GPR149: variants seen among roughly 807,000 people sequenced by gnomAD.
GPR149 encodes the protein probable G protein-coupled receptor 149.
Under a neutral mutation model 50.2 loss-of-function variants are expected in GPR149, and 50 were observed. That is an observed-to-expected ratio of 1.00 (90% CI 0.79 to 1.26). GPR149 has a LOEUF of 1.26. Ranked by LOEUF, GPR149 falls within the 50% of genes most tolerant of loss-of-function variation. The pLI, the probability that GPR149 is intolerant of heterozygous loss-of-function variation, is 0.00. For missense variants in GPR149, 983 were observed against 895.4 expected, an observed-to-expected ratio of 1.10 and a Z score of -1.25; for synonymous variants, 405 against 358.2, an observed-to-expected ratio of 1.13 and a Z score of -1.48.
At chr3:154,370,503 G>T (rs1320635804) in intron 3 of GPR149, among the ~76,000 whole-genome samples, 1 of 152,094 alleles carries the variant, frequency 6.6e-6, no homozygotes, top group Non-Finnish European at 1.5e-5. Flanking sequence ...CTGTCCCCTC[G>T]CCCATGTCCA....
At chr3:154,426,159 A>G (rs928956701) in intron 2 of GPR149, among the ~76,000 whole-genome samples, 5 of 152,216 alleles carry the variant, frequency 3.3e-5, no homozygotes, top group Admixed American at 1.3e-4. Flanking sequence ...TGTTCTGGAT[A>G]TTAATCTTTA....
intron 2 of GPR149, 41 bp downstream of exon 2, chr3:154,427,475 A>G (rs1445285541): frequency 6.5e-7 from 1 of 1,538,298 alleles, no homozygotes; most frequent in Non-Finnish European, 8.8e-7. Flanking sequence ...AAAGTCACCT[A>G]ATGCATATTG....
At chr3:154,360,560 G>T (rs189041393) in intron 3 of GPR149, among the ~76,000 whole-genome samples, 3 of 152,168 alleles carry the variant, frequency 2.0e-5, no homozygotes, top group Non-Finnish European at 4.4e-5. Flanking sequence ...CAGCCAATAA[G>T]TGGTAGAACT....
At chr3:154,407,959 G>T (rs1455832538) in intron 3 of GPR149, among the ~76,000 whole-genome samples, 1 of 152,128 alleles carries the variant, frequency 6.6e-6, no homozygotes, top group Non-Finnish European at 1.5e-5. Context: ...ATTATGTCAT[G>T]TTGGATAGAT....
chr3:154,343,988 C>T (rs1476486913), intron 3 of GPR149, among the ~76,000 whole-genome samples: 1 of 146,854 alleles, frequency 6.8e-6, no homozygotes, highest in South Asian at 2.2e-4. Context: ...ACCGCCCCCC[C>T]AAAAAAAAAG....
At chr3:154,385,890 C>T (rs1024432985) in intron 3 of GPR149, among the ~76,000 whole-genome samples, 13 of 151,788 alleles carry the variant, frequency 8.6e-5, no homozygotes, top group East Asian at 2.0e-4. Context: ...TTAGTAGAGA[C>T]GGGGGTTTCA....
intron 3 of GPR149, chr3:154,354,074 G>T: frequency 2.2e-6 from 1 of 459,462 alleles, no homozygotes; most frequent in East Asian, 6.0e-5. Context: ...ATGAGATTTA[G>T]AGAATTTATC....
intron 3 of GPR149, among the ~76,000 whole-genome samples, chr3:154,362,216 GA>G (rs1217656372): frequency 5.4e-5 from 8 of 149,234 alleles, no homozygotes; most frequent in Non-Finnish European, 1.2e-4. Flanking sequence ...GTGAACCCGG[GA>G]GGCGGAGCCT....
At chr3:154,351,968 G>T (rs755567490) in intron 3 of GPR149, among the ~76,000 whole-genome samples, 15 of 152,074 alleles carry the variant, frequency 9.9e-5, no homozygotes, top group Non-Finnish European at 1.9e-4. Context: ...TGAATAGGTA[G>T]ATTTGTTTAT....
rs3075921 is a variant in GPR149 at position 154,429,821 on chromosome 3, T to TAAA, written c.-209_-207dup. ...TAAAAATTAGGTTCCATTTCAAGCATAAAAAAAAAAAAACCCGAACAGATA... is the reference window on the plus strand; with the variant it reads ...TAAAAATTAGGTTCCATTTCAAGCATAAAAAAAAAAAAAAAACCCGAACAGATA... On this transcript the variant is annotated 5_prime_UTR_variant, in exon 1 of 4. Transcript: ENST00000389740. The TAAA allele has an allele frequency of 4.1e-4, 135 of 329,302 alleles. No homozygotes were observed. The highest frequency in any genetic ancestry group is 1.8e-3 in the South Asian group (22 of 12,216). 20.4% of individuals were successfully genotyped at this position (329,302 alleles called of 1,614,324 possible).
intron 3 of GPR149, among the ~76,000 whole-genome samples, chr3:154,379,716 A>G (rs1714872519): frequency 6.6e-6 from 1 of 152,170 alleles, no homozygotes; most frequent in Non-Finnish European, 1.5e-5. Context: ...TTGCCTATTC[A>G]ATTGTTTGGC....
chr3:154,414,979 G>T (rs759757723), intron 3 of GPR149, among the ~76,000 whole-genome samples: 1 of 151,968 alleles, frequency 6.6e-6, no homozygotes, highest in Admixed American at 6.6e-5. Context: ...TTAATTTCTT[G>T]ATAATTGCAT....
chr3:154,416,407 C>T (rs1210156236), intron 3 of GPR149, among the ~76,000 whole-genome samples: 1 of 151,696 alleles, frequency 6.6e-6, no homozygotes, highest in Non-Finnish European at 1.5e-5. Flanking sequence ...CCATCTCATA[C>T]CTAATCAATC....
chr3:154,387,865 T>C (rs1715079753), intron 3 of GPR149, among the ~76,000 whole-genome samples: 1 of 152,146 alleles, frequency 6.6e-6, no homozygotes, highest in South Asian at 2.1e-4. Flanking sequence ...GTTTCTATTA[T>C]TAAACAATAC....
intron 3 of GPR149, among the ~76,000 whole-genome samples, chr3:154,408,264 C>A (rs1046545495): frequency 2.0e-5 from 3 of 152,198 alleles, no homozygotes; most frequent in African/African-American, 4.8e-5. Flanking sequence ...TGGAGACTCA[C>A]ATCATGAACT....
chr3:154,343,004 T>C (rs551816573), intron 3 of GPR149, among the ~76,000 whole-genome samples: 1 of 152,234 alleles, frequency 6.6e-6, no homozygotes, highest in Non-Finnish European at 1.5e-5. Context: ...GAAAATAGTT[T>C]AATAAATTGT....
intron 3 of GPR149, among the ~76,000 whole-genome samples, chr3:154,390,152 A>G (rs748838178): frequency 1.3e-5 from 2 of 152,154 alleles, no homozygotes; most frequent in Non-Finnish European, 2.9e-5. Flanking sequence ...AGGTCAATCC[A>G]TGAAGACTGG....
intron 3 of GPR149, among the ~76,000 whole-genome samples, chr3:154,374,308 G>A (rs1198280077): frequency 1.3e-5 from 2 of 151,572 alleles, no homozygotes; most frequent in Admixed American, 6.6e-5. Context: ...CTGAGTAGCC[G>A]AGATTACAGG....
chr3:154,394,668 C>T (rs929346539), intron 3 of GPR149, among the ~76,000 whole-genome samples: 12 of 151,898 alleles, frequency 7.9e-5, no homozygotes, highest in African/African-American at 2.9e-4. Context: ...TATCAGATAA[C>T]AGGTTAATTT....
Sources: allele counts gnomAD v4.1 joint callset (sites outside exome capture counted in the v4.1 genomes callset), GRCh38; gene constraint gnomAD v4.1.1; transcripts MANE v1.5; gene names NCBI Gene and HGNC (gene_info 2026-07-23, HGNC 2026-07-21).